The following SELENON variants were observed in gnomAD, a reference collection of about 807,000 sequenced individuals.
SELENON encodes the protein selenoprotein N, also known as selenoprotein N, 1.
Under a neutral mutation model 59.5 loss-of-function variants are expected in SELENON, and 44 were observed. The observed-to-expected ratio is 0.74, with a 90% CI of 0.58 to 0.95. The LOEUF (loss-of-function observed/expected upper bound fraction) is 0.95. SELENON is among the 40% of genes least tolerant of loss of function. The pLI is 0.00. For missense variants in SELENON, 674 were observed against 721.4 expected (o/e 0.93, Z 0.75); for synonymous variants, 320 against 305.6 (o/e 1.05, Z -0.49).
chr1:25,808,768 A>G lies in SELENON; in HGVS notation c.726A>G (p.Pro242=), dbSNP rs2047932542. Residue 242 remains proline (P), a synonymous_variant, in exon 5 of 13, where the codon CCA becomes CCG. Transcript: ENST00000361547. ...ACCTGTCCAACAACCGCTTCTATCC[A>G]CCGCCGCCCAAGGGCAAGGAGGTGA... The G allele has an allele frequency of 1.9e-6, 3 of 1,613,578 alleles. No homozygotes were observed. Among genetic ancestry groups the G allele is most frequent in the African/African-American group, 2.7e-5 (2 of 74,886 alleles).
At chr1:25,814,028 G>T in intron 11 of SELENON, 35 bp downstream of exon 10, 7 of 1,611,336 alleles carry the variant, frequency 4.3e-6, no homozygotes, top group Non-Finnish European at 5.9e-6. Context: ...GGAGCGTCCG[G>T]AACAGTGGTG....
At chr1:25,810,977 C>G (rs971463051) in intron 7 of SELENON, among the ~76,000 whole-genome samples, 3 of 152,212 alleles carry the variant, frequency 2.0e-5, no homozygotes, top group Non-Finnish European at 2.9e-5. Context: ...CCTCTGTGCC[C>G]CCTGCTGCGG....
rs369502704 is a variant in SELENON at position 25,809,743 on chromosome 1, T to C, written c.933T>C (p.Ala311=). 1.2e-5 allele frequency: 19 copies of C among 1,613,960 alleles called. No homozygotes were observed. The highest frequency in any genetic ancestry group is 1.5e-5 in the Non-Finnish European group (18 of 1,180,010). ...ACTTCCCCTTTTGGTTCTCCCCTGC[T>C]CAGTTCACCGGCCACATCATCCTCT... Residue 311 remains alanine (A), a synonymous_variant, in exon 7 of 13, where the codon GCT becomes GCC. Coordinates refer to ENST00000361547, the MANE Select transcript of SELENON (RefSeq NM_020451.3).
intron 12 of SELENON, among the ~76,000 whole-genome samples, chr1:25,815,196 C>T (rs886111187): frequency 1.4e-5 from 2 of 147,620 alleles, no homozygotes; most frequent in Non-Finnish European, 3.0e-5. Flanking sequence ...TGTGAGGCTG[C>T]AGTGAGAGAA....
chr1:25,811,919 T>C (rs1157127793), intron 9 of SELENON, 40 bp downstream of exon 8: 2 of 1,541,924 alleles, frequency 1.3e-6, no homozygotes, highest in Non-Finnish European at 1.8e-6. Context: ...TCAGGCTGCA[T>C]GGGCAGAGGC....
chr1:25,817,727 T>C lies in SELENON; in HGVS notation c.*2009T>C, dbSNP rs1415129960. 6.6e-6 allele frequency: 1 copy of C among 151,926 alleles called. No individual in the cohort carries two copies. The highest frequency in any genetic ancestry group is 1.5e-5 in the Non-Finnish European group (1 of 67,996). The allele number at this position is 151,926 out of a possible 1,614,324, so 9.4% of individuals were successfully genotyped here. ...CAAAGTCTGCATCTGGATTTGGGGG[T>C]GTTTTTTGGCATGGCACCCTCACCT... is the stretch of plus-strand genomic sequence containing the variant. On this transcript the variant is annotated 3_prime_UTR_variant, in exon 13 of 13. Coordinates refer to ENST00000361547, the MANE Select transcript of SELENON (RefSeq NM_020451.3).
At position 25,809,734 on chromosome 1, in the gene SELENON, C is replaced by T. The variant is rs1332344986; in HGVS notation, c.924C>T (p.Phe308=). 5.6e-6 allele frequency: 9 copies of T among 1,614,012 alleles called. No homozygotes were observed. Among genetic ancestry groups the T allele is most frequent in the African/African-American group, 1.3e-5 (1 of 74,922 alleles). The change falls in exon 7 of 13, where the codon TTC becomes TTT. Residue 308 remains phenylalanine (F), a synonymous_variant. Transcript: ENST00000361547. ...AGCCGCCCGACTTCCCCTTTTGGTTCTCCCCTGCTCAGTTCACCGGCCACA... is the reference window on the plus strand; with the variant it reads ...AGCCGCCCGACTTCCCCTTTTGGTTTTCCCCTGCTCAGTTCACCGGCCACA...
Position 25,805,176 on chromosome 1 carries a change from G to T in SELENON, c.438G>T (p.Glu146Asp). The change falls in exon 4 of 13, where the codon GAG becomes GAT. Residue 146 changes from glutamate (E) to aspartate (D), a missense_variant. Transcript: ENST00000361547. ...CCGCGGCCAGCTGCGAGGAGGAGGA[G>T]TTGCCCCCTGACCCTAGCGAGGAGA... 6.2e-7 allele frequency: 1 copy of T among 1,614,038 alleles called. No individual in the cohort carries two copies. The highest frequency in any genetic ancestry group is 8.5e-7 in the Non-Finnish European group (1 of 1,180,028).
Position 25,811,523 on chromosome 1 carries a change from C to T in SELENON, c.1080C>T (p.Gly360=). 6.2e-7 allele frequency: 1 copy of T among 1,614,136 alleles called. No individual in the cohort carries two copies. Among genetic ancestry groups the T allele is most frequent in the South Asian group, 1.1e-5 (1 of 91,090 alleles). The change falls in exon 8 of 13, where the codon GGC becomes GGT. Residue 360 remains glycine, a synonymous_variant. Transcript: ENST00000361547. ...GCAGCAACATGGAGGTGGACATCGG[C>T]TACATACCCCAGGTGAGCGCACAGG...
chr1:25,809,590 C>A (rs2047940260), intron 6 of SELENON, 93 bp from the exon 6 acceptor site: 1 of 1,576,756 alleles, frequency 6.3e-7, no homozygotes, highest in Non-Finnish European at 8.6e-7. Flanking sequence ...CCCCCACACT[C>A]AGCCTCCTCT....
chr1:25,803,062 T>C (rs2047873633), intron 3 of SELENON, among the ~76,000 whole-genome samples: 1 of 152,212 alleles, frequency 6.6e-6, no homozygotes, highest in Admixed American at 6.5e-5. Context: ...GCTAATGAGC[T>C]GGAGTGGATG....
intron 4 of SELENON, among the ~76,000 whole-genome samples, chr1:25,806,232 C>T (rs1184792061): frequency 1.3e-5 from 2 of 152,250 alleles, no homozygotes; most frequent in Non-Finnish European, 2.9e-5. Context: ...GCATCCCAAT[C>T]AGTGGGGCCA....
chr1:25,808,985 C>CGGGACCCA, intron 5 of SELENON, 41 bp from the exon 5 acceptor site: 1 of 1,612,772 alleles, frequency 6.2e-7, no homozygotes, highest in Non-Finnish European at 8.5e-7. Context: ...CCAGGCCCAG[C>CGGGACCCA]GGGACCCAGC....
In SELENON at chr1:25,817,617, T is replaced by C. The variant is rs551245587; in HGVS notation, c.*1899T>C. 6.6e-6 allele frequency: 1 copy of C among 152,364 alleles called. No homozygotes were observed. Among genetic ancestry groups the C allele is most frequent in the East Asian group, 1.9e-4 (1 of 5,186 alleles). 9.4% of individuals were successfully genotyped at this position (152,364 alleles called of 1,614,324 possible). A position where few individuals can be genotyped will look rare whatever the true frequency, so the allele number is the denominator to read the frequency against. ...GAGGCAGATGCTCATTGTTCCCATC[T>C]TGATGAAACTTGAGTCTCAGGGAAG... is the stretch of plus-strand genomic sequence containing the variant. On this transcript the variant is annotated 3_prime_UTR_variant, in exon 13 of 13. Coordinates refer to ENST00000361547, the MANE Select transcript of SELENON (RefSeq NM_020451.3).
At chr1:25,812,511 A>G (rs1031825662) in intron 9 of SELENON, among the ~76,000 whole-genome samples, 176 bp from the exon 9 acceptor site, 6 of 151,764 alleles carry the variant, frequency 4.0e-5, no homozygotes, top group Admixed American at 3.9e-4. Flanking sequence ...ATATATACAC[A>G]TACAAATGTA....
chr1:25,804,786 CCTCTCA>C (rs1433028045), intron 3 of SELENON, among the ~76,000 whole-genome samples: 2 of 152,046 alleles, frequency 1.3e-5, no homozygotes, highest in Non-Finnish European at 2.9e-5. Flanking sequence ...TGACTGAGTT[CCTCTCA>C]GTCCCAGAAG....
intron 7 of SELENON, among the ~76,000 whole-genome samples, chr1:25,810,914 T>G (rs2047953590): frequency 6.6e-6 from 1 of 152,156 alleles, no homozygotes; most frequent in South Asian, 2.1e-4. Context: ...TGGGCTCATG[T>G]CTGAGGACCA....
rs371383269 is a variant in SELENON at position 25,817,946 on chromosome 1, T to TCC, written c.*2235_*2236dup. On this transcript the variant is annotated 3_prime_UTR_variant, in exon 13 of 13. Transcript: ENST00000361547. Reference sequence around the variant, plus strand: ...GGGCGTCTGATGCTCTCTCTCTGCCTCCCCCCCCATCCTGTCAGGCACAGG... The same window carrying TCC: ...GGGCGTCTGATGCTCTCTCTCTGCCTCCCCCCCCCCATCCTGTCAGGCACAGG... The TCC allele has an allele frequency of 6.6e-6, 1 of 151,770 alleles. No homozygotes were observed. The highest frequency in any genetic ancestry group is 1.5e-5 in the Non-Finnish European group (1 of 68,054). 9.4% of individuals were successfully genotyped at this position (151,770 alleles called of 1,614,324 possible).
rs1409727686 is a variant in SELENON at position 25,807,642 on chromosome 1, G to C, written c.538-938G>C. ...CCTACAAGCAGGACCCAGGAAGGCGGGCTCGGCCTGGCCCGGCACAGCCAG... is the reference window on the plus strand; with the variant it reads ...CCTACAAGCAGGACCCAGGAAGGCGCGCTCGGCCTGGCCCGGCACAGCCAG... On this transcript the variant is annotated intron_variant, in intron 4 of 12. Coordinates refer to ENST00000361547, the MANE Select transcript of SELENON (RefSeq NM_020451.3). The surrounding 1 kb of genome is among the most constrained non-coding windows in gnomAD (Gnocchi z 4.5). Among the ~76,000 whole-genome samples the C allele has an allele frequency of 6.6e-6, 1 of 152,160 alleles. No individual in the cohort carries two copies. The highest frequency in any genetic ancestry group is 2.4e-5 in the African/African-American group (1 of 41,450).
Sources: gnomAD v4.1 joint callset for allele counts (sites outside exome capture counted in the v4.1 genomes callset) on GRCh38, gnomAD v4.1.1 for gene constraint, Gnocchi (gnomAD v3.1) non-coding constraint, MANE v1.5 for transcripts, NCBI Gene and HGNC (gene_info 2026-07-23, HGNC 2026-07-21) for gene names.